HDX: variants seen among roughly 807,000 people sequenced by gnomAD.
HDX encodes the protein chromosome X open reading frame 43.
In HDX, 19 loss-of-function variants were observed where a neutral mutation model predicts 45.2. The observed-to-expected ratio is 0.42, with a 90% CI of 0.29 to 0.62. HDX has a LOEUF of 0.62. Ranked by LOEUF, HDX falls within the 20% of genes least tolerant of loss-of-function variation. HDX has a pLI of 0.20. For missense variants in HDX, 532 were observed against 493.9 expected (o/e 1.08, Z -0.73); for synonymous variants, 188 against 172.8 (o/e 1.09, Z -0.69).
intron 4 of HDX, among the ~76,000 whole-genome samples, chrX:84,462,498 A>G (rs6623034): frequency 2.7e-5 from 3 of 111,404 alleles, no homozygotes; most frequent in East Asian, 5.7e-4. Flanking sequence ...ATAAAGAGGA[A>G]AGAGATGATT....
intron 1 of HDX, among the ~76,000 whole-genome samples, chrX:84,497,185 T>C (rs139035392): frequency 1.8e-3 from 199 of 112,162 alleles, no homozygotes; most frequent in African/African-American, 6.2e-3. Context: ...ATCTTTTCTT[T>C]ATAAATTACC....
At chrX:84,475,076 CAAAT>C (rs2040521186) in intron 3 of HDX, among the ~76,000 whole-genome samples, 171 bp downstream of exon 3, 1 of 111,923 alleles carries the variant, frequency 8.9e-6, no homozygotes, top group African/African-American at 3.2e-5. Context: ...TTTATAGAAA[CAAAT>C]ACATACTAAA....
At chrX:84,380,268 C>T (rs1456892953) in intron 5 of HDX, among the ~76,000 whole-genome samples, 2 of 109,536 alleles carry the variant, frequency 1.8e-5, no homozygotes, top group East Asian at 2.9e-4. Context: ...CCAGTGGTTT[C>T]ACTGCTCAAT....
chrX:84,363,878 G>A (rs2037678712), intron 5 of HDX, among the ~76,000 whole-genome samples: 1 of 111,355 alleles, frequency 9.0e-6, no homozygotes, highest in African/African-American at 3.3e-5. Flanking sequence ...CTGAGGTGAA[G>A]GAGGGAGGCA....
chrX:84,405,879 T>C (rs1339449622), intron 5 of HDX, among the ~76,000 whole-genome samples: 1 of 110,603 alleles, frequency 9.0e-6, no homozygotes, highest in Non-Finnish European at 1.9e-5. Context: ...ATTTATATCA[T>C]TTAATCACCA....
At chrX:84,501,072 A>G (rs1472195600) in intron 1 of HDX, among the ~76,000 whole-genome samples, 1 of 111,430 alleles carries the variant, frequency 9.0e-6, no homozygotes, top group Non-Finnish European at 1.9e-5. Flanking sequence ...TCCCTTAACT[A>G]TGAGAAATAG....
chrX:84,383,913 G>T (rs894743094), intron 5 of HDX, among the ~76,000 whole-genome samples: 6 of 111,071 alleles, frequency 5.4e-5, no homozygotes, highest in African/African-American at 2.0e-4. Context: ...AGTATTCCAT[G>T]GTGTATATGT....
At chrX:84,381,175 A>G (rs896360992) in intron 5 of HDX, among the ~76,000 whole-genome samples, 2 of 111,409 alleles carry the variant, frequency 1.8e-5, no homozygotes, top group African/African-American at 6.5e-5. Context: ...TGAAAACTAC[A>G]AAACACTGAT....
intron 5 of HDX, among the ~76,000 whole-genome samples, chrX:84,423,416 G>A (rs2039309706): frequency 9.5e-6 from 1 of 105,751 alleles, no homozygotes; most frequent in African/African-American, 3.5e-5. Context: ...TACAGAAAAA[G>A]GGAATACTTC....
intron 4 of HDX, among the ~76,000 whole-genome samples, chrX:84,448,922 G>C (rs2039935864): frequency 9.1e-6 from 1 of 109,468 alleles, no homozygotes; most frequent in African/African-American, 3.3e-5. Context: ...GGATATGAAA[G>C]AGAAATGTAC....
chrX:84,362,584 CAG>C (rs1466389430), intron 5 of HDX, among the ~76,000 whole-genome samples: 3 of 108,394 alleles, frequency 2.8e-5, no homozygotes, highest in African/African-American at 6.7e-5. Flanking sequence ...ATGAGAGAGA[CAG>C]AGAGAGAGAG....
intron 4 of HDX, among the ~76,000 whole-genome samples, chrX:84,457,055 A>G (rs1342884829): frequency 8.9e-6 from 1 of 111,811 alleles, no homozygotes; most frequent in Non-Finnish European, 1.9e-5. Context: ...CATTTCATCC[A>G]GTGGCAGCAG....
rs936868006 is a variant in HDX at position 84,465,670 on chromosome X, G to C, written c.1251+2802C>G. ...GAACATCACACACTGGGGCCCGTTGGGGGGCGGGTGCCTAGGGGAGGGATA... is the reference window on the plus strand; with the variant it reads ...GAACATCACACACTGGGGCCCGTTGCGGGGCGGGTGCCTAGGGGAGGGATA... On this transcript the variant is annotated intron_variant, in intron 4 of 10. Coordinates refer to ENST00000373177, the MANE Select transcript of HDX (RefSeq NM_001177479.2). Among the ~76,000 whole-genome samples, 62 of 111,753 alleles carry C rather than the reference G, an allele frequency of 5.5e-4. No homozygotes were observed. The Admixed American group carries it at 5.6e-3, about 10-fold the overall frequency.
intron 10 of HDX, among the ~76,000 whole-genome samples, chrX:84,323,307 C>A (rs772563341): frequency 7.2e-5 from 8 of 111,102 alleles, no homozygotes; most frequent in Non-Finnish European, 1.3e-4. Flanking sequence ...GGACACGGAG[C>A]CATTTTCTCC....
chrX:84,375,882 C>T (rs1002815324), intron 5 of HDX, among the ~76,000 whole-genome samples: 1 of 111,153 alleles, frequency 9.0e-6, no homozygotes, highest in Admixed American at 9.5e-5. Context: ...TACCCTAAAA[C>T]TTAAAGTATA....
intron 4 of HDX, among the ~76,000 whole-genome samples, chrX:84,449,215 A>G (rs1268590769): frequency 1.8e-5 from 2 of 111,177 alleles, no homozygotes. Flanking sequence ...AAGGCAAAAA[A>G]AGAAAAAAGT....
chrX:84,495,453 T>C (rs979503420), intron 1 of HDX, among the ~76,000 whole-genome samples: 9 of 111,528 alleles, frequency 8.1e-5, no homozygotes, highest in Non-Finnish European at 1.7e-4. Context: ...TTACACACTA[T>C]AAACATATAT....
intron 5 of HDX, among the ~76,000 whole-genome samples, chrX:84,404,960 A>G (rs2038785477): frequency 9.0e-6 from 1 of 111,424 alleles, no homozygotes; most frequent in East Asian, 2.8e-4. Context: ...AGATTTGCCT[A>G]TACATTGTAT....
intron 5 of HDX, among the ~76,000 whole-genome samples, chrX:84,432,001 G>T (rs1290862604): frequency 9.0e-6 from 1 of 110,989 alleles, no homozygotes; most frequent in South Asian, 3.7e-4. Flanking sequence ...ATCTTGAGTC[G>T]ATTTTTTTTA....
Sources: gnomAD v4.1 joint callset for allele counts (sites outside exome capture counted in the v4.1 genomes callset) on GRCh38, gnomAD v4.1.1 for gene constraint, MANE v1.5 for transcripts, NCBI Gene and HGNC (gene_info 2026-07-23, HGNC 2026-07-21) for gene names.